The following ADAM12 variants were observed in gnomAD, a reference collection of about 807,000 sequenced individuals.
ADAM12 encodes the protein ADAM metallopeptidase domain 12.
ADAM12 carries 70 observed loss-of-function variants against 106.4 expected under a neutral mutation model. That is an observed-to-expected ratio of 0.66 (90% CI 0.54 to 0.80). ADAM12 has a LOEUF of 0.80. Ranked by LOEUF, ADAM12 falls within the 30% of genes least tolerant of loss-of-function variation. ADAM12 has a pLI of 0.00. For missense variants in ADAM12, 1,010 were observed against 1,171.9 expected (o/e 0.86, Z 2.02); for synonymous variants, 420 against 433.5 (o/e 0.97, Z 0.39).
At chr10:126,336,158 A>G (rs1159452821) in intron 1 of ADAM12, among the ~76,000 whole-genome samples, 1 of 152,204 alleles carries the variant, frequency 6.6e-6, no homozygotes, top group Non-Finnish European at 1.5e-5. Flanking sequence ...TAACAAATGT[A>G]CAATACTAAG....
intron 3 of ADAM12, among the ~76,000 whole-genome samples, chr10:126,261,765 A>C (rs1959005015): frequency 6.6e-6 from 1 of 151,984 alleles, no homozygotes; most frequent in Non-Finnish European, 1.5e-5. Flanking sequence ...CCACAGATTA[A>C]AAGGCCTTTT....
rs780175862 is a variant in ADAM12 at position 126,118,038 on chromosome 10, C to T, written c.603G>A (p.Arg201=). ...ACACAAAATCAGGTATCCCCCTTAC[C>T]CTTCTTGCCCATGTCTGAGAGGGTG... ...FPPPSQTWAR[R]HKRETLKATK... Residue 201 remains arginine (R), a splice_region_variant and synonymous_variant, in exon 6 of 23, where the codon AGG becomes AGA. Transcript: ENST00000448723. 1 of 1,613,996 alleles carries T rather than the reference C, an allele frequency of 6.2e-7. No homozygotes were observed. The highest frequency in any genetic ancestry group is 8.5e-7 in the Non-Finnish European group (1 of 1,179,926).
chr10:126,160,897 C>T (rs192981685), intron 3 of ADAM12, among the ~76,000 whole-genome samples: 1 of 152,322 alleles, frequency 6.6e-6, no homozygotes, highest in Admixed American at 6.5e-5. Flanking sequence ...GGCCATTGCA[C>T]CTGCTGTGCC....
intron 3 of ADAM12, among the ~76,000 whole-genome samples, chr10:126,264,004 T>C (rs1181852936): frequency 1.3e-5 from 2 of 152,242 alleles, no homozygotes; most frequent in African/African-American, 4.8e-5. Flanking sequence ...ATTTATTGAA[T>C]TGTAGGGCTA....
intron 11 of ADAM12, among the ~76,000 whole-genome samples, chr10:126,093,377 G>A (rs974774820): frequency 1.3e-5 from 2 of 152,188 alleles, no homozygotes; most frequent in African/African-American, 2.4e-5. Context: ...GGAGTGTCAG[G>A]AAAGCATTAA....
intron 2 of ADAM12, among the ~76,000 whole-genome samples, chr10:126,322,423 C>T (rs963582678): frequency 6.6e-6 from 1 of 152,214 alleles, no homozygotes; most frequent in Non-Finnish European, 1.5e-5. Context: ...GGCAATTTTA[C>T]ACCCCAGGGG....
intron 2 of ADAM12, among the ~76,000 whole-genome samples, chr10:126,291,943 A>G (rs1468084455): frequency 6.6e-6 from 1 of 151,162 alleles, no homozygotes; most frequent in Non-Finnish European, 1.5e-5. Flanking sequence ...GACATCCTCA[A>G]TCTGTACACT....
At chr10:126,050,337 TC>T (rs1312668684) in intron 14 of ADAM12, among the ~76,000 whole-genome samples, 1 of 152,190 alleles carries the variant, frequency 6.6e-6, no homozygotes, top group Non-Finnish European at 1.5e-5. Context: ...TTTTAGCACA[TC>T]TTCCAGCCAC....
chr10:126,106,660 AT>A (rs1288829283), intron 8 of ADAM12, among the ~76,000 whole-genome samples: 1 of 151,352 alleles, frequency 6.6e-6, no homozygotes, highest in African/African-American at 2.4e-5. Context: ...TAGTTTTTGT[AT>A]TTTTAGTAGA....
At chr10:126,338,541 C>G (rs1185540318) in intron 1 of ADAM12, among the ~76,000 whole-genome samples, 1 of 152,060 alleles carries the variant, frequency 6.6e-6, no homozygotes. Context: ...CGTGAGCCAC[C>G]GCGCCCGGCC....
intron 2 of ADAM12, among the ~76,000 whole-genome samples, chr10:126,319,720 T>A (rs1043176494): frequency 1.3e-5 from 2 of 152,200 alleles, no homozygotes; most frequent in African/African-American, 4.8e-5. Context: ...AATAATCCAC[T>A]GATAAGGGCT....
intron 11 of ADAM12, among the ~76,000 whole-genome samples, chr10:126,071,874 TGAA>T (rs1351649080): frequency 2.6e-5 from 4 of 152,214 alleles, no homozygotes; most frequent in Non-Finnish European, 5.9e-5. Flanking sequence ...ACGCGGCTGA[TGAA>T]GAAGTGCTTT....
At chr10:126,143,293 T>C (rs1400529877) in intron 4 of ADAM12, among the ~76,000 whole-genome samples, 3 of 150,578 alleles carry the variant, frequency 2.0e-5, no homozygotes, top group Non-Finnish European at 3.0e-5. Flanking sequence ...CATGTGTGTG[T>C]GTGCATGTGG....
At position 126,146,603 on chromosome 10, in the gene ADAM12, T is replaced by C. The variant is rs139124482; in HGVS notation, c.339+8624A>G. Among the ~76,000 whole-genome samples the C allele has an allele frequency of 1.9e-4, 29 of 152,240 alleles. 1 individual carries two copies. The East Asian group carries it at 5.6e-3, about 29-fold the overall frequency. On this transcript the variant is annotated intron_variant, in intron 4 of 22. Transcript: ENST00000448723. Reference sequence around the variant, plus strand: ...AATTTAGTTCACTGCAACCTTGGCATTATCAATATTGCACAAAGCTTTCTT... The same window carrying C: ...AATTTAGTTCACTGCAACCTTGGCACTATCAATATTGCACAAAGCTTTCTT...
chr10:126,193,489 G>T (rs1345852524), intron 3 of ADAM12, among the ~76,000 whole-genome samples: 1 of 152,156 alleles, frequency 6.6e-6, no homozygotes, highest in Non-Finnish European at 1.5e-5. Context: ...TTAATTTATT[G>T]TGTGGTTTAA....
chr10:126,117,561 CA>C (rs1956006310), intron 6 of ADAM12, among the ~76,000 whole-genome samples: 2 of 152,068 alleles, frequency 1.3e-5, no homozygotes. Flanking sequence ...GAATTCTCTG[CA>C]AATTATAAGA....
chr10:126,049,765 C>T lies in ADAM12; in HGVS notation c.1610-96G>A. The T allele has an allele frequency of 9.3e-7, 1 of 1,080,908 alleles. No homozygotes were observed. Among genetic ancestry groups the T allele is most frequent in the Non-Finnish European group, 1.3e-6 (1 of 743,984 alleles). 67.0% of individuals were successfully genotyped at this position (1,080,908 alleles called of 1,614,324 possible). On this transcript the variant is annotated intron_variant, in intron 14 of 22. Coordinates refer to ENST00000448723, the MANE Select transcript of ADAM12 (RefSeq NM_001288973.2). The surrounding 1 kb of genome is among the most constrained non-coding windows in gnomAD (Gnocchi z 4.4). ...TCAAATGGTTACGGGGAGACGTGCT[C>T]AAAGCAATCACACCCAGTGTCTGTC...
chr10:126,332,700 G>A (rs11244957), intron 1 of ADAM12, among the ~76,000 whole-genome samples: 67,150 of 151,948 alleles, frequency 0.44, 15,532 homozygotes, highest in Middle Eastern at 0.63. Context: ...GACAGCAGTA[G>A]AGGGAGCGCA....
chr10:126,311,710 G>A (rs77284230), intron 2 of ADAM12, among the ~76,000 whole-genome samples: 2 of 152,102 alleles, frequency 1.3e-5, no homozygotes. Flanking sequence ...TTTCAGAGTG[G>A]TGAACACATC....
Sources: allele counts gnomAD v4.1 joint callset (sites outside exome capture counted in the v4.1 genomes callset), GRCh38; gene constraint gnomAD v4.1.1; non-coding constraint Gnocchi (gnomAD v3.1); transcripts MANE v1.5; gene names NCBI Gene and HGNC (gene_info 2026-07-23, HGNC 2026-07-21).